SLC2A13: variants seen among roughly 807,000 people sequenced by gnomAD.
SLC2A13 encodes the protein proton myo-inositol cotransporter.
SLC2A13 carries 32 observed loss-of-function variants against 64.4 expected under a neutral mutation model. The ratio of observed to expected loss-of-function variants is 0.50; its 90% CI spans 0.37 to 0.67. SLC2A13 has a LOEUF of 0.67. Among genes scored for constraint, SLC2A13 ranks in the 30% least tolerant of loss-of-function variants. The probability of loss-of-function intolerance (pLI) is 0.00; values close to 1 mark genes in which losing one functional copy is unlikely to be tolerated. For missense variants in SLC2A13, 743 were observed against 829.2 expected, an observed-to-expected ratio of 0.90 and a Z score of 1.28; for synonymous variants, 338 against 327.1, an observed-to-expected ratio of 1.03 and a Z score of -0.36.
intron 6 of SLC2A13, among the ~76,000 whole-genome samples, chr12:39,846,619 T>G (rs897603031): frequency 1.3e-5 from 2 of 152,148 alleles, no homozygotes; most frequent in Admixed American, 6.5e-5. Context: ...GTGTGGCTAA[T>G]TTTTTGTATT....
At chr12:39,900,406 T>A (rs1235310919) in intron 4 of SLC2A13, among the ~76,000 whole-genome samples, 2 of 152,168 alleles carry the variant, frequency 1.3e-5, no homozygotes, top group African/African-American at 4.8e-5. Context: ...TTGTCCCTGT[T>A]TGCAGATGAC....
chr12:40,070,064 G>A (rs61931532), intron 1 of SLC2A13, among the ~76,000 whole-genome samples: 11 of 151,764 alleles, frequency 7.2e-5, no homozygotes, highest in South Asian at 2.1e-4. Flanking sequence ...AGGCATAAAC[G>A]GAATATGATA....
chr12:40,019,363 T>C (rs790878), intron 3 of SLC2A13, among the ~76,000 whole-genome samples: 2 of 102,060 alleles, frequency 2.0e-5, no homozygotes, highest in African/African-American at 3.7e-5. Context: ...TGCCTAATTT[T>C]TTTTTTTTTC....
intron 7 of SLC2A13, among the ~76,000 whole-genome samples, chr12:39,777,362 T>C (rs1050240136): frequency 3.3e-5 from 5 of 152,092 alleles, no homozygotes; most frequent in African/African-American, 4.8e-5. Flanking sequence ...TAGATGAAGG[T>C]CATCAAATTA....
chr12:39,850,213 A>G (rs1438574791), intron 6 of SLC2A13, among the ~76,000 whole-genome samples: 1 of 152,214 alleles, frequency 6.6e-6, no homozygotes, highest in East Asian at 1.9e-4. Context: ...AGGAGTTAGT[A>G]CTTTAATGCA....
At chr12:40,050,367 C>T (rs1948235141) in intron 1 of SLC2A13, among the ~76,000 whole-genome samples, 1 of 152,140 alleles carries the variant, frequency 6.6e-6, no homozygotes, top group African/African-American at 2.4e-5. Flanking sequence ...ATAGATTTTA[C>T]TTGACAGAAA....
At chr12:39,830,593 G>T in intron 6 of SLC2A13, 4 of 501,520 alleles carry the variant, frequency 8.0e-6, no homozygotes, top group Non-Finnish European at 1.0e-5. Context: ...GCCCTGACTG[G>T]TTCCAAGTTG....
intron 3 of SLC2A13, among the ~76,000 whole-genome samples, chr12:39,986,624 ACT>A (rs1382885763): frequency 6.6e-6 from 1 of 151,240 alleles, no homozygotes; most frequent in Admixed American, 6.6e-5. Flanking sequence ...CTATATGCCT[ACT>A]CTCTTTTTCT....
chr12:39,767,936 A>T (rs1940421528), intron 7 of SLC2A13, among the ~76,000 whole-genome samples: 1 of 152,074 alleles, frequency 6.6e-6, no homozygotes, highest in Non-Finnish European at 1.5e-5. Flanking sequence ...AGCCCTGCAG[A>T]ACTGTGAGTC....
chr12:39,878,408 G>A (rs1944248959), intron 4 of SLC2A13, among the ~76,000 whole-genome samples: 1 of 152,218 alleles, frequency 6.6e-6, no homozygotes, highest in Non-Finnish European at 1.5e-5. Flanking sequence ...TATGGACGGT[G>A]AAGTCTAGAC....
intron 3 of SLC2A13, among the ~76,000 whole-genome samples, chr12:40,003,050 C>T (rs1302657935): frequency 1.3e-5 from 2 of 152,190 alleles, no homozygotes; most frequent in African/African-American, 4.8e-5. Context: ...TCCACAACCA[C>T]CCTCTCCCCT....
At chr12:39,820,232 T>TA (rs1942454076) in intron 7 of SLC2A13, among the ~76,000 whole-genome samples, 1 of 152,158 alleles carries the variant, frequency 6.6e-6, no homozygotes, top group Non-Finnish European at 1.5e-5. Flanking sequence ...ACTTCCTAGA[T>TA]AAAATAAGAC....
chr12:39,790,127 CTT>C (rs59535689), intron 7 of SLC2A13, among the ~76,000 whole-genome samples: 4,321 of 145,534 alleles, frequency 0.03, 178 homozygotes, highest in African/African-American at 0.097. Context: ...CTTTTGTGTT[CTT>C]TTTTTTTTTT....
intron 7 of SLC2A13, among the ~76,000 whole-genome samples, chr12:39,808,067 A>T (rs1471486009): frequency 1.3e-5 from 2 of 152,198 alleles, no homozygotes; most frequent in African/African-American, 4.8e-5. Flanking sequence ...TGTAACCACT[A>T]CCACAGACAA....
chr12:40,009,454 G>C (rs1947484408), intron 3 of SLC2A13, among the ~76,000 whole-genome samples: 1 of 151,842 alleles, frequency 6.6e-6, no homozygotes, highest in South Asian at 2.1e-4. Flanking sequence ...TTTGAGACTG[G>C]GTCTTATTCT....
intron 7 of SLC2A13, chr12:39,788,764 G>A (rs1941276860): frequency 6.6e-6 from 1 of 152,010 alleles, no homozygotes; most frequent in South Asian, 2.1e-4. Context: ...TATTTTGATA[G>A]GCACAATTAA....
intron 2 of SLC2A13, among the ~76,000 whole-genome samples, chr12:40,037,038 C>T (rs1947999339): frequency 6.6e-6 from 1 of 152,190 alleles, no homozygotes; most frequent in Admixed American, 6.5e-5. Context: ...AATATGGTGA[C>T]TTGCATGGAT....
Position 39,850,487 on chromosome 12 carries a change from G to C in SLC2A13, c.1319+14275C>G, listed in dbSNP as rs372065804. 2.8e-4 allele frequency among the ~76,000 whole-genome samples: 42 copies of C among 152,202 alleles called. No individual in the cohort carries two copies. The East Asian group carries it at 6.9e-3, about 25-fold the overall frequency. On this transcript the variant is annotated intron_variant, in intron 6 of 9. Transcript: ENST00000280871. ...ACAAGCAATAATACTAACTTAGGATGCTTAGGTTTCTGAATTTTACTCTAG... is the reference window on the plus strand; with the variant it reads ...ACAAGCAATAATACTAACTTAGGATCCTTAGGTTTCTGAATTTTACTCTAG...
chr12:39,837,934 G>A lies in SLC2A13; in HGVS notation c.1320-7706C>T, dbSNP rs1476057745. On this transcript the variant is annotated intron_variant, in intron 6 of 9. Transcript: ENST00000280871. ...CAACCATTGTGGAAGTCAGTGTGGC[G>A]ATTCCTCAGGGATCTAGAACTAGAA... is the stretch of plus-strand genomic sequence containing the variant. Among the ~76,000 whole-genome samples the A allele has an allele frequency of 5.8e-3, 883 of 150,950 alleles. 8 individuals carry two copies. The highest frequency in any genetic ancestry group is 0.02 in the African/African-American group (834 of 41,038).
Sources: gnomAD v4.1 joint callset for allele counts (sites outside exome capture counted in the v4.1 genomes callset) on GRCh38, gnomAD v4.1.1 for gene constraint, MANE v1.5 for transcripts, NCBI Gene and HGNC (gene_info 2026-07-23, HGNC 2026-07-21) for gene names.